The following ADAMTS18 variants were observed in gnomAD, a reference collection of about 807,000 sequenced individuals.
ADAMTS18 encodes A disintegrin and metalloproteinase with thrombospondin motifs 18.
ADAMTS18 carries 157 observed loss-of-function variants against 165.9 expected under a neutral mutation model. The observed-to-expected ratio is 0.95, with a 90% CI of 0.83 to 1.08. The LOEUF is 1.08. ADAMTS18 is among the 50% of genes least tolerant of loss of function. ADAMTS18 has a pLI of 0.00. For synonymous variants in ADAMTS18, 782 were observed against 578.2 expected, an observed-to-expected ratio of 1.35 and a Z score of -5.06; for missense variants, 2,040 against 1,534.0, an observed-to-expected ratio of 1.33 and a Z score of -5.51.
At chr16:77,349,524 TAAAAAAAAAA>T (rs767997537) in intron 10 of ADAMTS18, among the ~76,000 whole-genome samples, 10 of 71,518 alleles carry the variant, frequency 1.4e-4, no homozygotes, top group African/African-American at 5.3e-4. Flanking sequence ...TCATCTTATG[TAAAAAAAAAA>T]AAAAAAAAAA....
chr16:77,431,318 C>A lies in ADAMTS18; in HGVS notation c.472G>T (p.Ala158Ser). Reference sequence around the variant, plus strand: ...ACCAAGCCAGCACACGTAGACACAGCGACAGAGGAGGAGCTGTCATTTCTG... The same window carrying A: ...ACCAAGCCAGCACACGTAGACACAGAGACAGAGGAGGAGCTGTCATTTCTG... The part of the protein sequence containing the change: ...FIRNDSSSSV[A>S]VSTCAGLSGL... The change falls in exon 3 of 23, where the codon GCT becomes TCT. Residue 158 changes from alanine (A) to serine (S), a missense_variant. Coordinates refer to ENST00000282849, the MANE Select transcript of ADAMTS18 (RefSeq NM_199355.4). The A allele has an allele frequency of 1.2e-6, 2 of 1,614,106 alleles. No homozygotes were observed. The highest frequency in any genetic ancestry group is 8.5e-7 in the Non-Finnish European group (1 of 1,180,016).
intron 3 of ADAMTS18, among the ~76,000 whole-genome samples, chr16:77,413,034 T>C (rs1335158992): frequency 6.6e-6 from 1 of 152,046 alleles, no homozygotes; most frequent in African/African-American, 2.4e-5. Context: ...CACACACATA[T>C]ACATTTATAT....
chr16:77,298,496 G>T (rs1043914229), intron 17 of ADAMTS18, among the ~76,000 whole-genome samples: 1 of 152,054 alleles, frequency 6.6e-6, no homozygotes, highest in Admixed American at 6.6e-5. Flanking sequence ...AGGCACTTAC[G>T]AAAACCACAT....
intron 7 of ADAMTS18, 104 bp from the exon 8 acceptor site, chr16:77,359,527 A>G: frequency 1.1e-6 from 1 of 887,864 alleles, no homozygotes; most frequent in East Asian, 2.7e-5. Context: ...AGTTTAATAG[A>G]TCAATGCATT....
rs2057773403 is a variant in ADAMTS18, at chr16:77,434,497, C to A, written c.99G>T (p.Gln33His). The A allele has an allele frequency of 6.4e-7, 1 of 1,560,548 alleles. No homozygotes were observed. ...CCGACGCACAGCAGAGGCAGCACAGCTGGAGCGCCTGCAAGAGAAAAGGTG... is the reference window on the plus strand; with the variant it reads ...CCGACGCACAGCAGAGGCAGCACAGATGGAGCGCCTGCAAGAGAAAAGGTG... ...AGLGRVAKAL[Q>H]LCCLCCASVA... Residue 33 changes from glutamine to histidine, a missense_variant, in exon 2 of 23, where the codon CAG (glutamine) becomes CAT (histidine). Coordinates refer to ENST00000282849, the MANE Select transcript of ADAMTS18 (RefSeq NM_199355.4).
chr16:77,303,161 C>T (rs2055617274), intron 16 of ADAMTS18, among the ~76,000 whole-genome samples: 1 of 152,140 alleles, frequency 6.6e-6, no homozygotes, highest in Non-Finnish European at 1.5e-5. Flanking sequence ...CCCCTCATCT[C>T]CACCAGGATG....
Position 77,307,091 on chromosome 16 carries a change from A to C in ADAMTS18, c.2533-6687T>G, listed in dbSNP as rs567285638. Among the ~76,000 whole-genome samples, 4 of 152,346 alleles carry C rather than the reference A, an allele frequency of 2.6e-5. No individual in the cohort carries two copies. The East Asian group carries it at 7.7e-4, about 29-fold the overall frequency. ...TCTTGAACATACTGGCATCTAATTT[A>C]AGAATACTTGATCTCCTCAATCAAT... On this transcript the variant is annotated intron_variant, in intron 16 of 22. Transcript: ENST00000282849.
At chr16:77,406,710 A>G (rs2057397509) in intron 3 of ADAMTS18, among the ~76,000 whole-genome samples, 1 of 152,162 alleles carries the variant, frequency 6.6e-6, no homozygotes, top group African/African-American at 2.4e-5. Context: ...GAATCAACCT[A>G]AAAGCCCATC....
In ADAMTS18 at chr16:77,430,715, C is replaced by G. The variant is rs146742239; in HGVS notation, c.495+580G>C. Among the ~76,000 whole-genome samples the G allele has an allele frequency of 1.7e-3, 256 of 152,258 alleles. 2 individuals carry two copies. The highest frequency in any genetic ancestry group is 5.5e-3 in the African/African-American group (229 of 41,538). Reference sequence around the variant, plus strand: ...TACATAGGGAGGAAATAACACTGGTCCCAAATGCTTTTAAAAGGTTCTGCT... The same window carrying G: ...TACATAGGGAGGAAATAACACTGGTGCCAAATGCTTTTAAAAGGTTCTGCT... On this transcript the variant is annotated intron_variant, in intron 3 of 22. Coordinates refer to ENST00000282849, the MANE Select transcript of ADAMTS18 (RefSeq NM_199355.4).
intron 18 of ADAMTS18, among the ~76,000 whole-genome samples, chr16:77,295,403 T>C (rs1009419381): frequency 3.0e-4 from 45 of 152,192 alleles, no homozygotes; most frequent in African/African-American, 1.1e-3. Flanking sequence ...CACAATTCAT[T>C]GAGCCAAATT....
At chr16:77,355,838 G>T in intron 9 of ADAMTS18, 102 bp downstream of exon 9, 1 of 1,373,002 alleles carries the variant, frequency 7.3e-7, no homozygotes, top group Non-Finnish European at 1.0e-6. Flanking sequence ...TTTATTGACA[G>T]GTCAAAAGGT....
At chr16:77,335,970 A>G (rs2056304674) in intron 11 of ADAMTS18, 66 bp from the exon 12 acceptor site, 2 of 1,584,256 alleles carry the variant, frequency 1.3e-6, no homozygotes, top group South Asian at 1.1e-5. Context: ...GGAGTTGCCA[A>G]CACCTGCACA....
At chr16:77,311,700 G>GGCT (rs141522765) in intron 16 of ADAMTS18, among the ~76,000 whole-genome samples, 20 of 94,232 alleles carry the variant, frequency 2.1e-4, no homozygotes, top group Non-Finnish European at 3.4e-4. Context: ...GATTACTGGA[G>GGCT]TTTTCTTTTT....
intron 3 of ADAMTS18, among the ~76,000 whole-genome samples, chr16:77,420,829 C>T (rs1168862378): frequency 2.6e-5 from 4 of 152,092 alleles, no homozygotes; most frequent in Non-Finnish European, 4.4e-5. Context: ...TATTTACCCA[C>T]AGAAAATTAA....
chr16:77,353,646 T>C (rs1396517912), intron 10 of ADAMTS18, 87 bp downstream of exon 10: 1 of 1,596,030 alleles, frequency 6.3e-7, no homozygotes, highest in East Asian at 2.2e-5. Flanking sequence ...ACCCTTGGCC[T>C]TGGCAAACCA....
intron 3 of ADAMTS18, among the ~76,000 whole-genome samples, chr16:77,390,641 G>T (rs1215889334): frequency 6.6e-6 from 1 of 151,270 alleles, no homozygotes; most frequent in African/African-American, 2.4e-5. Context: ...AGTGAGTGGA[G>T]ATCGCACCAC....
Position 77,367,531 on chromosome 16 carries a change from T to C in ADAMTS18, c.688A>G (p.Ser230Gly), listed in dbSNP as rs199615040. ...SGRNYPGYSP[S>G]HIPHASQSRE... is the part of the protein sequence containing the mutation. ...CTCTGAGATGCATGGGGAATGTGAC[T>C]TGGGGAGTAACCAGGATAATTCCGG... The change falls in exon 4 of 23, where the codon AGT becomes GGT. Residue 230 changes from serine to glycine, a missense_variant. By Grantham distance (56) the Ser-to-Gly change is moderately conservative. Transcript: ENST00000282849. The C allele has an allele frequency of 1.4e-5, 23 of 1,614,140 alleles. No homozygotes were observed. The highest frequency in any genetic ancestry group is 1.9e-5 in the Non-Finnish European group (22 of 1,180,052).
Position 77,343,398 on chromosome 16 carries a change from A to G in ADAMTS18, c.1615-1599T>C, listed in dbSNP as rs188509680. 2.4e-4 allele frequency among the ~76,000 whole-genome samples: 36 copies of G among 152,338 alleles called. No homozygotes were observed. In the East Asian group the frequency reaches 5.4e-3, roughly 23 times the overall value. ...CTGATTTTAGCCCTTTCAAATATCTACTTCCAGAACTATAAGATAATAAAT... is the reference window on the plus strand; with the variant it reads ...CTGATTTTAGCCCTTTCAAATATCTGCTTCCAGAACTATAAGATAATAAAT... On this transcript the variant is annotated intron_variant, in intron 10 of 22. Coordinates refer to ENST00000282849, the MANE Select transcript of ADAMTS18 (RefSeq NM_199355.4).
chr16:77,376,669 TAAAAA>T (rs1412546225), intron 3 of ADAMTS18, among the ~76,000 whole-genome samples: 1 of 152,224 alleles, frequency 6.6e-6, no homozygotes. Context: ...TGCTAAAGCT[TAAAAA>T]TTAAATTGAT....
Sources: gnomAD v4.1 joint callset for allele counts (sites outside exome capture counted in the v4.1 genomes callset) on GRCh38, gnomAD v4.1.1 for gene constraint, MANE v1.5 for transcripts, NCBI Gene and HGNC (gene_info 2026-07-23, HGNC 2026-07-21) for gene names.